The following GALNT13 variants were observed in gnomAD, a reference collection of about 807,000 sequenced individuals.
GALNT13 encodes the protein UDP-GalNAc:polypeptide N-acetylgalactosaminyltransferase 13.
GALNT13 carries 28 observed loss-of-function variants against 64.2 expected under a neutral mutation model. The observed-to-expected ratio is 0.44, with a 90% CI of 0.32 to 0.60. The LOEUF is 0.60. Among genes scored for constraint, GALNT13 ranks in the 20% least tolerant of loss-of-function variants. The pLI, the probability that GALNT13 is intolerant of heterozygous loss-of-function variation, is 0.05. For synonymous variants in GALNT13, 214 were observed against 224.6 expected, an observed-to-expected ratio of 0.95 and a Z score of 0.42; for missense variants, 577 against 669.8, an observed-to-expected ratio of 0.86 and a Z score of 1.53.
At chr2:153,826,439 G>A in the GALNT13 span, among the ~76,000 whole-genome samples, 1 of 152,168 alleles carries the variant, frequency 6.6e-6, no homozygotes, top group Non-Finnish European at 1.5e-5. Context: ...TTTAACATGA[G>A]TTTTGGAGAG....
intron 3 of GALNT13, among the ~76,000 whole-genome samples, chr2:154,044,399 G>C (rs776915029): frequency 8.5e-5 from 13 of 152,232 alleles, no homozygotes; most frequent in Non-Finnish European, 1.9e-4. Context: ...GGCACTCCCT[G>C]TGTGAAAGCT....
At chr2:153,110,317 G>A in the GALNT13 span, among the ~76,000 whole-genome samples, 1 of 152,010 alleles carries the variant, frequency 6.6e-6, no homozygotes, top group African/African-American at 2.4e-5. Context: ...AGAGATCTAA[G>A]TATAGATCTA....
the GALNT13 span, among the ~76,000 whole-genome samples, chr2:153,673,125 A>T: frequency 6.6e-6 from 1 of 152,224 alleles, no homozygotes; most frequent in African/African-American, 2.4e-5. Flanking sequence ...ATTCTACCAG[A>T]GATACAAAGA....
chr2:153,153,155 G>C, the GALNT13 span, among the ~76,000 whole-genome samples: 1 of 152,148 alleles, frequency 6.6e-6, no homozygotes, highest in Non-Finnish European at 1.5e-5. Flanking sequence ...CTAATGATCA[G>C]TGATGTTGAG....
chr2:153,257,158 GCCGTTTTTTAAGC>G, the GALNT13 span, among the ~76,000 whole-genome samples: 1 of 152,200 alleles, frequency 6.6e-6, no homozygotes, highest in Non-Finnish European at 1.5e-5. Context: ...CTTGTGGTGC[GCCGTTTTTTAAGC>G]CCGTCGGAAA....
At chr2:153,076,052 A>T in the GALNT13 span, among the ~76,000 whole-genome samples, 1 of 152,132 alleles carries the variant, frequency 6.6e-6, no homozygotes, top group African/African-American at 2.4e-5. Context: ...TGCTGTTATT[A>T]ACAATAATGC....
chr2:153,303,112 T>C, the GALNT13 span, among the ~76,000 whole-genome samples: 2 of 152,202 alleles, frequency 1.3e-5, no homozygotes, highest in Non-Finnish European at 2.9e-5. Context: ...TTGCATTGAA[T>C]CTGTAGACTT....
the GALNT13 span, among the ~76,000 whole-genome samples, chr2:153,376,795 TA>T: frequency 6.6e-6 from 1 of 152,202 alleles, no homozygotes; most frequent in Non-Finnish European, 1.5e-5. Flanking sequence ...TTCATTTATT[TA>T]TTCAACAAAT....
intron 4 of GALNT13, among the ~76,000 whole-genome samples, chr2:154,205,189 G>T (rs1687375029): frequency 6.6e-6 from 1 of 152,158 alleles, no homozygotes; most frequent in African/African-American, 2.4e-5. Flanking sequence ...TAAAATAACT[G>T]TACTTATTTA....
At chr2:154,208,624 C>CTGTGTGTG (rs57789546) in intron 4 of GALNT13, among the ~76,000 whole-genome samples, 50 of 140,456 alleles carry the variant, frequency 3.6e-4, no homozygotes, top group Admixed American at 9.2e-4. Flanking sequence ...TTTTGCGTGT[C>CTGTGTGTG]TGTGTGTGTG....
intron 9 of GALNT13, among the ~76,000 whole-genome samples, chr2:154,366,930 A>C (rs1697396709): frequency 6.6e-6 from 1 of 152,220 alleles, no homozygotes; most frequent in Non-Finnish European, 1.5e-5. Flanking sequence ...ATAGGGACTG[A>C]TTAGACTGGA....
chr2:153,271,489 C>A, the GALNT13 span, among the ~76,000 whole-genome samples: 1 of 152,124 alleles, frequency 6.6e-6, no homozygotes, highest in Non-Finnish European at 1.5e-5. Context: ...GGCAGAGAAC[C>A]AAATCATGAG....
intron 9 of GALNT13, among the ~76,000 whole-genome samples, chr2:154,359,970 G>A (rs1255452976): frequency 1.3e-5 from 2 of 152,034 alleles, no homozygotes; most frequent in African/African-American, 4.8e-5. Flanking sequence ...TCAAAAATAA[G>A]CATTCCCAAA....
At chr2:154,365,716 G>T (rs1697327691) in intron 9 of GALNT13, among the ~76,000 whole-genome samples, 1 of 152,174 alleles carries the variant, frequency 6.6e-6, no homozygotes, top group African/African-American at 2.4e-5. Flanking sequence ...GGATTCCATT[G>T]TCTGCATTCT....
At chr2:153,527,585 G>A in the GALNT13 span, among the ~76,000 whole-genome samples, 3 of 152,078 alleles carry the variant, frequency 2.0e-5, no homozygotes, top group African/African-American at 7.2e-5. Context: ...TCACCTGAAT[G>A]TACAAAAATC....
At chr2:154,111,305 A>G (rs1702973627) in intron 3 of GALNT13, among the ~76,000 whole-genome samples, 2 of 152,100 alleles carry the variant, frequency 1.3e-5, no homozygotes. Flanking sequence ...TTTCCCATTG[A>G]CCTTAATCAC....
chr2:153,873,125 G>C (rs1357690401), intron 1 of GALNT13, among the ~76,000 whole-genome samples: 1 of 152,098 alleles, frequency 6.6e-6, no homozygotes, highest in East Asian at 1.9e-4. Flanking sequence ...CCAGCCCCGC[G>C]ATCCCGAAGC....
the GALNT13 span, among the ~76,000 whole-genome samples, chr2:153,603,738 C>G: frequency 6.6e-6 from 1 of 151,874 alleles, no homozygotes; most frequent in Admixed American, 6.6e-5. Flanking sequence ...ATATTTTGGA[C>G]AATGCAAGTT....
chr2:153,213,441 A>G, the GALNT13 span, among the ~76,000 whole-genome samples: 1 of 152,204 alleles, frequency 6.6e-6, no homozygotes, highest in Admixed American at 6.5e-5. Context: ...GGGAGACACT[A>G]TACCTTCCAA....
Sources: allele counts gnomAD v4.1 joint callset (sites outside exome capture counted in the v4.1 genomes callset), GRCh38; gene constraint gnomAD v4.1.1; transcripts MANE v1.5; gene names NCBI Gene and HGNC (gene_info 2026-07-23, HGNC 2026-07-21).